The following ADAMTS7 variants were observed in gnomAD, a reference collection of about 807,000 sequenced individuals.
ADAMTS7 encodes the protein A disintegrin and metalloproteinase with thrombospondin motifs 7.
ADAMTS7 carries 89 observed loss-of-function variants against 172.6 expected under a neutral mutation model. That is an observed-to-expected ratio of 0.52 (90% confidence interval 0.43 to 0.61). The LOEUF is 0.61. Ranked by LOEUF, ADAMTS7 falls within the 20% of genes least tolerant of loss-of-function variation. ADAMTS7 has a pLI of 0.00. For missense variants in ADAMTS7, 1,973 were observed against 2,355.6 expected (o/e 0.84, Z 3.36); for synonymous variants, 885 against 978.4 (o/e 0.90, Z 1.78).
At chr15:78,773,286 A>G in intron 13 of ADAMTS7, 83 bp from the exon 14 acceptor site, 2 of 1,322,818 alleles carry the variant, frequency 1.5e-6, no homozygotes, top group African/African-American at 2.8e-5. Context: ...CAGAGTCAGG[A>G]GAAGAAAGCT....
intron 11 of ADAMTS7, among the ~76,000 whole-genome samples, chr15:78,775,524 T>A (rs78632183): frequency 1.3e-5 from 2 of 150,386 alleles, no homozygotes; most frequent in Admixed American, 6.6e-5. Flanking sequence ...TTGCCTCTGC[T>A]TCTCACCAGA....
At chr15:78,786,945 T>A (rs1324315338) in intron 8 of ADAMTS7, among the ~76,000 whole-genome samples, 2 of 152,136 alleles carry the variant, frequency 1.3e-5, no homozygotes, top group Non-Finnish European at 2.9e-5. Context: ...AGGATGAGGA[T>A]CCTCTTCCAC....
chr15:78,775,094 G>A, intron 11 of ADAMTS7, among the ~76,000 whole-genome samples: 1 of 152,200 alleles, frequency 6.6e-6, no homozygotes, highest in Non-Finnish European at 1.5e-5. Context: ...TATAAAGTGG[G>A]GTTGGGGCTG....
In ADAMTS7 at chr15:78,760,107, C is replaced by T. The variant is rs1268986939; in HGVS notation, c.4904-529G>A. 2.0e-5 allele frequency among the ~76,000 whole-genome samples: 3 copies of T among 151,692 alleles called. No homozygotes were observed. The East Asian group carries it at 5.8e-4, about 30-fold the overall frequency. Reference sequence around the variant, plus strand: ...TTCTGAGTCACAGGGTCCCATCTCCCAGGCCAGCCTCCCACTTCTCAGGTG... The same window carrying T: ...TTCTGAGTCACAGGGTCCCATCTCCTAGGCCAGCCTCCCACTTCTCAGGTG... On this transcript the variant is annotated intron_variant, in intron 23 of 23. Coordinates refer to ENST00000388820, the MANE Select transcript of ADAMTS7 (RefSeq NM_014272.5).
chr15:78,774,607 T>C lies in ADAMTS7; in HGVS notation c.1876+17A>G, dbSNP rs1228285002. 12 of 1,611,232 alleles carry C rather than the reference T, an allele frequency of 7.4e-6. No homozygotes were observed. Among genetic ancestry groups the C allele is most frequent in the African/African-American group, 1.3e-5 (1 of 74,796 alleles). On this transcript the variant is annotated intron_variant, in intron 12 of 23. Coordinates refer to ENST00000388820, the MANE Select transcript of ADAMTS7 (RefSeq NM_014272.5). ...AGCCCTCTAAGCCTCAATGTCTCCA[T>C]GGGGGGCAGCACTCACCGTCATTGA...
intron 1 of ADAMTS7, among the ~76,000 whole-genome samples, chr15:78,800,774 GTTTT>G (rs1364891899): frequency 6.6e-6 from 1 of 152,166 alleles, no homozygotes; most frequent in Non-Finnish European, 1.5e-5. Flanking sequence ...TGTGTTTTGG[GTTTT>G]TTGTTTGTTT....
At position 78,766,960 on chromosome 15, in the gene ADAMTS7, G is replaced by C; in HGVS notation, c.2951C>G (p.Ala984Gly). 6.2e-7 allele frequency: 1 copy of C among 1,610,496 alleles called. No homozygotes were observed. Among genetic ancestry groups the C allele is most frequent in the Non-Finnish European group, 8.5e-7 (1 of 1,179,282 alleles). Residue 984 changes from alanine (A) to glycine (G), a missense_variant, in exon 19 of 24, where the codon GCC (alanine) becomes GGC (glycine). Transcript: ENST00000388820. ...TGGCAGAGAGCAGGTGACTTCGCTG[G>C]CTGGCTGCTGGGCCTCGTCACAGGG... The part of the protein sequence containing the change: ...GVPCDEAQQP[A>G]SEVTCSLPLC...
intron 8 of ADAMTS7, among the ~76,000 whole-genome samples, chr15:78,785,286 C>G (rs971672484): frequency 3.9e-5 from 6 of 152,124 alleles, no homozygotes; most frequent in Admixed American, 6.6e-5. Context: ...CGCAGTGGCT[C>G]TCATCTGTAA....
At chr15:78,796,025 C>A (rs2055638588) in intron 4 of ADAMTS7, among the ~76,000 whole-genome samples, 1 of 152,194 alleles carries the variant, frequency 6.6e-6, no homozygotes, top group African/African-American at 2.4e-5. Context: ...TTGCCCACCC[C>A]ACAAGGTACT....
chr15:78,811,202 G>C lies in ADAMTS7; in HGVS notation c.19C>G (p.Pro7Ala). The C allele has an allele frequency of 8.1e-7, 1 of 1,228,934 alleles. No homozygotes were observed. The highest frequency in any genetic ancestry group is 4.1e-5 in the South Asian group (1 of 24,294). The allele number at this position is 1,228,934 out of a possible 1,614,324, so 76.1% of individuals were successfully genotyped here. A position where few individuals can be genotyped will look rare whatever the true frequency, so the allele number is the denominator to read the frequency against. MPGGPS[P>A]RSPAPLLRPL... ...CGCAGCAAAGGCGCGGGGCTGCGGG[G>C]ACTGGGGCCGCCGGGCATGGCAGGA... The change falls in exon 1 of 24, where the codon CCC becomes GCC. Residue 7 changes from proline (P) to alanine (A), a missense_variant. By Grantham distance (27) the Pro-to-Ala change is conservative (BLOSUM62 -1). Transcript: ENST00000388820.
chr15:78,779,489 C>T (rs1215694791), intron 8 of ADAMTS7, among the ~76,000 whole-genome samples: 8 of 152,172 alleles, frequency 5.3e-5, no homozygotes, highest in Non-Finnish European at 8.8e-5. Flanking sequence ...CATTCAACTG[C>T]GAGCCTGGCC....
intron 21 of ADAMTS7, 34 bp downstream of exon 21, chr15:78,763,892 G>A (rs764052505): frequency 1.1e-5 from 17 of 1,564,466 alleles, no homozygotes; most frequent in Admixed American, 3.8e-5. Context: ...GTCTGAGGGC[G>A]TCCCCTCCCC....
At chr15:78,763,644 C>T in intron 22 of ADAMTS7, 55 bp downstream of exon 22, 1 of 1,499,540 alleles carries the variant, frequency 6.7e-7, no homozygotes, top group Non-Finnish European at 8.8e-7. Flanking sequence ...CAACCCAAGA[C>T]TGACCAGGCG....
intron 11 of ADAMTS7, among the ~76,000 whole-genome samples, chr15:78,775,775 A>G (rs1388308656): frequency 6.6e-6 from 1 of 152,102 alleles, no homozygotes; most frequent in South Asian, 2.1e-4. Context: ...CCCTGACTAC[A>G]ACTTTACTGG....
chr15:78,788,344 A>G lies in ADAMTS7; in HGVS notation c.1209T>C (p.Asn403=), dbSNP rs145174103. The G allele has an allele frequency of 1.2e-6, 2 of 1,613,152 alleles. No homozygotes were observed. Among genetic ancestry groups the G allele is most frequent in the Non-Finnish European group, 1.7e-6 (2 of 1,180,012 alleles). ...SFGIQHDGSG[N]DCEPVGKRPF... Reference sequence around the variant, plus strand: ...GTCGTTTCCCAACGGGCTCACAGTCATTGCCGCTTCCGTCATGCTGAATGC... The same window carrying G: ...GTCGTTTCCCAACGGGCTCACAGTCGTTGCCGCTTCCGTCATGCTGAATGC... Residue 403 remains asparagine, a synonymous_variant, in exon 8 of 24, where the codon AAT becomes AAC. Coordinates refer to ENST00000388820, the MANE Select transcript of ADAMTS7 (RefSeq NM_014272.5).
chr15:78,787,235 T>A (rs1272051874), intron 8 of ADAMTS7, among the ~76,000 whole-genome samples: 7 of 151,060 alleles, frequency 4.6e-5, no homozygotes, highest in Non-Finnish European at 8.8e-5. Context: ...TCAGCTATAC[T>A]CATATTTGCA....
intron 13 of ADAMTS7, among the ~76,000 whole-genome samples, chr15:78,773,702 T>C (rs1032421479): frequency 8.6e-5 from 13 of 151,968 alleles, no homozygotes; most frequent in Non-Finnish European, 1.9e-4. Flanking sequence ...AAAATAAGAA[T>C]AGAAATTGTT....
In ADAMTS7 at chr15:78,759,591, G is replaced by C. The variant is rs550912581; in HGVS notation, c.4904-13C>G. ...TCCCGCTCACAGCCTGGAGTGGGGG[G>C]GCAGAGAGGCATCAGAACCAGTAGC... On this transcript the variant is annotated splice_polypyrimidine_tract_variant and intron_variant, in intron 23 of 23. Transcript: ENST00000388820. 10 of 1,568,548 alleles carry C rather than the reference G, an allele frequency of 6.4e-6. No homozygotes were observed. In the African/African-American group the frequency reaches 6.8e-5, roughly 11 times the overall value.
Position 78,800,505 on chromosome 15 carries a change from G to T in ADAMTS7, c.143C>A (p.Pro48Gln). The change falls in exon 2 of 24, where the codon CCG becomes CAG. Residue 48 changes from proline to glutamine, a missense_variant. Pro to Gln is a moderately conservative substitution (Grantham distance 76). This residue lies in a region of ADAMTS7 where 306 missense variants were observed against 288.0 expected (regional missense o/e 1.06). Coordinates refer to ENST00000388820, the MANE Select transcript of ADAMTS7 (RefSeq NM_014272.5). ...EGRAALDIVH[P>Q]VRVDAGGSFL... ...GGAGCCCCCCGCGTCGACTCGAACC[G>T]GGTGCACGATGTCCAGTGCCGCCCG... 2 of 1,607,504 alleles carry T rather than the reference G, an allele frequency of 1.2e-6. No individual in the cohort carries two copies. Among genetic ancestry groups the T allele is most frequent in the Non-Finnish European group, 1.7e-6 (2 of 1,177,622 alleles).
Sources: gnomAD v4.1 joint callset for allele counts (sites outside exome capture counted in the v4.1 genomes callset) on GRCh38, gnomAD v4.1.1 for gene constraint, gnomAD v4.1.1 regional missense constraint, MANE v1.5 for transcripts, NCBI Gene and HGNC (gene_info 2026-07-23, HGNC 2026-07-21) for gene names.